Variants in RIMS1 observed in about 807,000 individuals in gnomAD.
RIMS1 encodes the protein regulating synaptic membrane exocytosis protein 1.
In RIMS1, 83 loss-of-function variants were observed where a neutral mutation model predicts 214.1. The ratio of observed to expected loss-of-function variants is 0.39; its 90% CI spans 0.32 to 0.47. The LOEUF (loss-of-function observed/expected upper bound fraction) is 0.47, where lower values mean the gene tolerates loss of function less well. Ranked by LOEUF, RIMS1 falls within the 20% of genes least tolerant of loss-of-function variation. The pLI, the probability that RIMS1 is intolerant of heterozygous loss-of-function variation, is 0.99. For synonymous variants in RIMS1, 793 were observed against 786.8 expected (o/e 1.01, Z -0.13); for missense variants, 2,050 against 2,161.8 (o/e 0.95, Z 1.03).
At chr6:72,235,566 A>G in intron 7 of RIMS1, 52 bp from the exon 8 acceptor site, 1 of 1,113,168 alleles carries the variant, frequency 9.0e-7, no homozygotes, top group Non-Finnish European at 1.3e-6. Context: ...TTATAGCTGA[A>G]TGCATTACAT....
At chr6:71,972,145 A>G (rs1286246850) in intron 2 of RIMS1, among the ~76,000 whole-genome samples, 1 of 152,184 alleles carries the variant, frequency 6.6e-6, no homozygotes, top group Non-Finnish European at 1.5e-5. Flanking sequence ...GTAGTAAAGA[A>G]CCAGAAGCCA....
chr6:72,348,971 T>G (rs1462673923), intron 29 of RIMS1, among the ~76,000 whole-genome samples: 3 of 151,858 alleles, frequency 2.0e-5, no homozygotes, highest in African/African-American at 7.2e-5. Flanking sequence ...ATGCCCAGAT[T>G]TTTTGGGAAT....
intron 12 of RIMS1, 55 bp downstream of exon 12, chr6:72,248,182 G>C: frequency 9.3e-7 from 1 of 1,074,010 alleles, no homozygotes; most frequent in East Asian, 2.4e-5. Flanking sequence ...CACTGTCTGA[G>C]TCTGTCTTTA....
rs34921549 is a variant in RIMS1, at chr6:72,368,455, A to ATT, written c.4367-22132_4367-22131dup. Among the ~76,000 whole-genome samples the ATT allele has an allele frequency of 8.6e-3, 1,255 of 146,654 alleles. 19 individuals are homozygous for ATT. The highest frequency in any genetic ancestry group is 0.029 in the African/African-American group (1,141 of 39,880). On this transcript the variant is annotated intron_variant, in intron 29 of 33. Transcript: ENST00000521978. ...TAGCTGGGACTACCACGCCCAGATA[A>ATT]TTTTTTTTTTTTCTATTTTTAGTAG...
chr6:72,351,181 C>T (rs963120725), intron 29 of RIMS1, among the ~76,000 whole-genome samples: 6 of 151,772 alleles, frequency 4.0e-5, no homozygotes, highest in Admixed American at 6.6e-5. Context: ...ATCCTACTCA[C>T]CTCCCCAAGA....
At chr6:72,126,581 C>CAAAA in intron 4 of RIMS1, 1 of 160,656 alleles carries the variant, frequency 6.2e-6, no homozygotes, top group Non-Finnish European at 1.3e-5. Flanking sequence ...ACAAGAAAAA[C>CAAAA]AAAAAAAAAA....
At position 72,066,961 on chromosome 6, in the gene RIMS1, A is replaced by G. The variant is rs114319256; in HGVS notation, c.246-29988A>G. Among the ~76,000 whole-genome samples the G allele has an allele frequency of 9.6e-3, 1,469 of 152,274 alleles. 25 individuals carry two copies. The highest frequency in any genetic ancestry group is 0.034 in the African/African-American group (1,398 of 41,554). ...TTCTGTGAGCTCTACCTTCAAAATA[A>G]GACCTGAATCTGGCCATTTTCAATA... is the stretch of plus-strand genomic sequence containing the variant. On this transcript the variant is annotated intron_variant, in intron 2 of 33. Coordinates refer to ENST00000521978, the MANE Select transcript of RIMS1 (RefSeq NM_014989.7).
intron 1 of RIMS1, among the ~76,000 whole-genome samples, chr6:71,928,006 C>T (rs1031830774): frequency 6.6e-6 from 1 of 151,968 alleles, no homozygotes; most frequent in African/African-American, 2.4e-5. Flanking sequence ...TTGTAGAAAT[C>T]GGAATCTTAC....
chr6:72,351,879 A>AG (rs2097460307), intron 29 of RIMS1, among the ~76,000 whole-genome samples: 1 of 152,210 alleles, frequency 6.6e-6, no homozygotes, highest in Non-Finnish European at 1.5e-5. Flanking sequence ...ATACCCTAAG[A>AG]CTAAGCTGAA....
At chr6:71,902,722 A>C (rs764386244) in intron 1 of RIMS1, among the ~76,000 whole-genome samples, 1 of 151,814 alleles carries the variant, frequency 6.6e-6, no homozygotes, top group African/African-American at 2.4e-5. Context: ...GTTTCTCTCC[A>C]TGTGTCCATG....
chr6:72,400,764 A>T lies in RIMS1; in HGVS notation c.*50A>T. 3.7e-6 allele frequency: 5 copies of T among 1,368,250 alleles called. No individual in the cohort carries two copies. Among genetic ancestry groups the T allele is most frequent in the Non-Finnish European group, 5.1e-6 (5 of 973,200 alleles). The allele number at this position is 1,368,250 out of a possible 1,614,324, so 84.8% of individuals were successfully genotyped here. On this transcript the variant is annotated 3_prime_UTR_variant, in exon 34 of 34. Transcript: ENST00000521978. ...ATAAAACTCTACTTTTCAGGATAAT[A>T]ATCTGAACCAGATATTTCATGATCG...
At chr6:71,923,518 C>T (rs993258725) in intron 1 of RIMS1, among the ~76,000 whole-genome samples, 1 of 151,926 alleles carries the variant, frequency 6.6e-6, no homozygotes, top group Non-Finnish European at 1.5e-5. Flanking sequence ...GGTTACAGGG[C>T]AAGTTCCACA....
chr6:71,949,385 C>G (rs997800533), intron 1 of RIMS1, among the ~76,000 whole-genome samples: 7 of 152,152 alleles, frequency 4.6e-5, no homozygotes, highest in East Asian at 1.9e-4. Flanking sequence ...AACAACTGCT[C>G]TATTCGCCAT....
At chr6:72,194,142 A>G (rs780138862) in intron 6 of RIMS1, among the ~76,000 whole-genome samples, 9 of 152,184 alleles carry the variant, frequency 5.9e-5, no homozygotes, top group Non-Finnish European at 1.2e-4. Flanking sequence ...AGAAGAATCA[A>G]TATGGTTAAA....
intron 16 of RIMS1, among the ~76,000 whole-genome samples, chr6:72,257,101 G>C (rs1332444839): frequency 2.0e-5 from 3 of 151,866 alleles, no homozygotes; most frequent in African/African-American, 7.2e-5. Flanking sequence ...GAGATAATGT[G>C]AGAGTTGTCA....
chr6:72,113,614 G>T (rs1413023857), intron 4 of RIMS1, among the ~76,000 whole-genome samples: 3 of 152,080 alleles, frequency 2.0e-5, no homozygotes, highest in Non-Finnish European at 2.9e-5. Context: ...CAGCAAAAAA[G>T]AATTAAAAAT....
intron 4 of RIMS1, 28 bp from the exon 5 acceptor site, chr6:72,179,547 T>C: frequency 4.5e-6 from 7 of 1,547,996 alleles, no homozygotes; most frequent in Non-Finnish European, 6.2e-6. Flanking sequence ...GGCATAAAAA[T>C]TTATATTGTT....
rs1177922732 is a variant in RIMS1 at position 72,158,085 on chromosome 6, T to G, written c.472-21490T>G. 1.4e-5 allele frequency among the ~76,000 whole-genome samples: 2 copies of G among 140,950 alleles called. 1 individual carries two copies. Among genetic ancestry groups the G allele is most frequent in the Non-Finnish European group, 3.2e-5 (2 of 61,990 alleles). The allele number at this position is 140,950 out of a possible 152,430, so 92.5% of individuals were successfully genotyped here. On this transcript the variant is annotated intron_variant, in intron 4 of 33. Coordinates refer to ENST00000521978, the MANE Select transcript of RIMS1 (RefSeq NM_014989.7). ...TGCTTGTTTGTCATCAATATTCATT[T>G]ATATTTACCAACTGTTGCTGTTTAT...
chr6:72,114,756 C>T (rs1189118773), intron 4 of RIMS1, among the ~76,000 whole-genome samples: 1 of 151,714 alleles, frequency 6.6e-6, no homozygotes, highest in African/African-American at 2.4e-5. Context: ...AACTATAAAA[C>T]ATAATTTTGT....
Sources: allele counts gnomAD v4.1 joint callset (sites outside exome capture counted in the v4.1 genomes callset), GRCh38; gene constraint gnomAD v4.1.1; transcripts MANE v1.5; gene names NCBI Gene and HGNC (gene_info 2026-07-23, HGNC 2026-07-21).